Variants in TBC1D22A observed in about 807,000 individuals in gnomAD.
TBC1D22A encodes putative GTPase activator.
In TBC1D22A, 38 loss-of-function variants were observed where a neutral mutation model predicts 60.2. The ratio of observed to expected loss-of-function variants is 0.63; its 90% CI spans 0.49 to 0.83. The LOEUF (loss-of-function observed/expected upper bound fraction) is 0.83, where lower values mean the gene tolerates loss of function less well. Among genes scored for constraint, TBC1D22A ranks in the 40% least tolerant of loss-of-function variants. The pLI, the probability that TBC1D22A is intolerant of heterozygous loss-of-function variation, is 0.00. For missense variants in TBC1D22A, 628 were observed against 701.0 expected (o/e 0.90, Z 1.18); for synonymous variants, 302 against 281.7 (o/e 1.07, Z -0.72).
chr22:46,781,716 C>T (rs535279479), intron 1 of TBC1D22A, among the ~76,000 whole-genome samples: 25 of 152,312 alleles, frequency 1.6e-4, no homozygotes, highest in East Asian at 3.9e-4. Context: ...TGGCCTGCCC[C>T]GGAGTATCTT....
At chr22:46,801,131 T>C (rs909868411) in intron 4 of TBC1D22A, among the ~76,000 whole-genome samples, 1 of 152,278 alleles carries the variant, frequency 6.6e-6, no homozygotes, top group African/African-American at 2.4e-5. Flanking sequence ...GGTTTTTTTC[T>C]TTCTTTATAA....
intron 12 of TBC1D22A, among the ~76,000 whole-genome samples, chr22:47,160,232 C>G (rs964096824): frequency 6.6e-6 from 1 of 152,220 alleles, no homozygotes; most frequent in Non-Finnish European, 1.5e-5. Context: ...ACCGCCTGAT[C>G]GAGGAGCCAG....
chr22:46,826,858 G>A (rs1366058105), intron 4 of TBC1D22A, among the ~76,000 whole-genome samples: 1 of 152,164 alleles, frequency 6.6e-6, no homozygotes, highest in Non-Finnish European at 1.5e-5. Flanking sequence ...ACTTGTGGAC[G>A]CTGTGCAGGA....
chr22:46,766,341 G>A (rs1315007206), intron 1 of TBC1D22A, among the ~76,000 whole-genome samples: 1 of 151,788 alleles, frequency 6.6e-6, no homozygotes, highest in Non-Finnish European at 1.5e-5. Flanking sequence ...ATGTTGGCCA[G>A]GCTGGTCTTG....
At chr22:46,959,311 G>T (rs1164627613) in intron 8 of TBC1D22A, among the ~76,000 whole-genome samples, 1 of 152,232 alleles carries the variant, frequency 6.6e-6, no homozygotes, top group African/African-American at 2.4e-5. Context: ...GTCTTGCCTG[G>T]ACTCAGCCAT....
At chr22:47,000,027 A>G (rs1439610075) in intron 10 of TBC1D22A, among the ~76,000 whole-genome samples, 1 of 152,228 alleles carries the variant, frequency 6.6e-6, no homozygotes, top group Non-Finnish European at 1.5e-5. Context: ...TCCATCTCAA[A>G]AACAAAAACC....
chr22:47,149,390 C>T (rs1360470272), intron 12 of TBC1D22A, among the ~76,000 whole-genome samples: 2 of 152,250 alleles, frequency 1.3e-5, no homozygotes, highest in African/African-American at 4.8e-5. Context: ...TAGCAAAATG[C>T]CACACAGTAT....
intron 10 of TBC1D22A, among the ~76,000 whole-genome samples, chr22:47,027,377 G>A (rs534783184): frequency 1.3e-5 from 2 of 152,168 alleles, no homozygotes; most frequent in African/African-American, 4.8e-5. Context: ...GGTGGTATTT[G>A]GTGACATGAG....
At chr22:46,957,366 G>A (rs1463741855) in intron 8 of TBC1D22A, among the ~76,000 whole-genome samples, 1 of 152,236 alleles carries the variant, frequency 6.6e-6, no homozygotes, top group Non-Finnish European at 1.5e-5. Context: ...AAGCATGGCT[G>A]GAAGGCCTTA....
chr22:46,803,032 C>A (rs1482607479), intron 4 of TBC1D22A, among the ~76,000 whole-genome samples: 1 of 152,062 alleles, frequency 6.6e-6, no homozygotes, highest in African/African-American at 2.4e-5. Context: ...GAGACAAAAT[C>A]TCCTCCTCAT....
intron 12 of TBC1D22A, among the ~76,000 whole-genome samples, chr22:47,160,136 G>A (rs1477660471): frequency 1.3e-5 from 2 of 152,238 alleles, no homozygotes; most frequent in East Asian, 1.9e-4. Context: ...TGGTTTCCCC[G>A]CCGCTCCTTC....
chr22:47,115,100 C>T (rs527477924), intron 12 of TBC1D22A, among the ~76,000 whole-genome samples: 1 of 152,254 alleles, frequency 6.6e-6, no homozygotes, highest in Admixed American at 6.5e-5. Context: ...GTGCTGCACT[C>T]TGGGCCTCCT....
chr22:47,136,722 C>T (rs757929907), intron 12 of TBC1D22A, among the ~76,000 whole-genome samples: 3 of 152,214 alleles, frequency 2.0e-5, no homozygotes, highest in Non-Finnish European at 4.4e-5. Context: ...GTGCATGCCC[C>T]GTGGGACCAG....
At chr22:47,040,172 C>T (rs2062795237) in intron 11 of TBC1D22A, among the ~76,000 whole-genome samples, 1 of 152,030 alleles carries the variant, frequency 6.6e-6, no homozygotes, top group South Asian at 2.1e-4. Flanking sequence ...GTCTCGATCT[C>T]CTGACCTTGT....
intron 10 of TBC1D22A, among the ~76,000 whole-genome samples, chr22:47,015,541 G>A (rs563303403): frequency 5.3e-5 from 8 of 152,242 alleles, no homozygotes; most frequent in Non-Finnish European, 1.0e-4. Context: ...TCCCATCATA[G>A]CTCTGTGAGC....
intron 4 of TBC1D22A, among the ~76,000 whole-genome samples, chr22:46,812,980 C>T (rs1384000203): frequency 2.6e-5 from 4 of 152,170 alleles, no homozygotes; most frequent in Non-Finnish European, 5.9e-5. Flanking sequence ...GTGTCCGGAG[C>T]TGTCCGTGAG....
chr22:47,030,680 T>C (rs1402007624), intron 10 of TBC1D22A, among the ~76,000 whole-genome samples: 1 of 152,266 alleles, frequency 6.6e-6, no homozygotes, highest in South Asian at 2.1e-4. Context: ...TATACTCTTA[T>C]TTCCAGTGAA....
chr22:47,073,994 A>C (rs1439292173), intron 11 of TBC1D22A, among the ~76,000 whole-genome samples: 2 of 152,046 alleles, frequency 1.3e-5, no homozygotes, highest in African/African-American at 2.4e-5. Context: ...GGTGGCATAC[A>C]CCTCTGGTCT....
In TBC1D22A at chr22:47,005,685, C is replaced by T. The variant is rs535924461; in HGVS notation, c.1201+7976C>T. Among the ~76,000 whole-genome samples, 3 of 150,456 alleles carry T rather than the reference C, an allele frequency of 2.0e-5. No homozygotes were observed. In the East Asian group the frequency reaches 5.9e-4, roughly 30 times the overall value. On this transcript the variant is annotated intron_variant, in intron 10 of 12. Coordinates refer to ENST00000337137, the MANE Select transcript of TBC1D22A (RefSeq NM_014346.5). The stretch of plus-strand genomic sequence containing the variant: ...ACACACCCATATACATATACACATA[C>T]ACACCTACACAGATACACCTACATG...
Sources: gnomAD v4.1 joint callset for allele counts (sites outside exome capture counted in the v4.1 genomes callset) on GRCh38, gnomAD v4.1.1 for gene constraint, MANE v1.5 for transcripts, NCBI Gene and HGNC (gene_info 2026-07-23, HGNC 2026-07-21) for gene names.